SPDYE4: variants seen among roughly 807,000 people sequenced by gnomAD.
SPDYE4 encodes the protein speedy protein E4.
SPDYE4 carries 30 observed loss-of-function variants against 37.5 expected under a neutral mutation model. The observed-to-expected ratio is 0.80, with a 90% CI of 0.60 to 1.09. The LOEUF (loss-of-function observed/expected upper bound fraction) is 1.09. Among genes scored for constraint, SPDYE4 ranks in the 50% least tolerant of loss-of-function variants. The probability of loss-of-function intolerance (pLI) is 0.00; values close to 1 mark genes in which losing one functional copy is unlikely to be tolerated. For synonymous variants in SPDYE4, 131 were observed against 120.3 expected (o/e 1.09, Z -0.58); for missense variants, 300 against 307.9 (o/e 0.97, Z 0.19).
chr17:8,748,797 A>G (rs1164398614), downstream of SPDYE4, among the ~76,000 whole-genome samples: 1 of 152,184 alleles, frequency 6.6e-6, no homozygotes, highest in Admixed American at 6.5e-5. Context: ...TGTATTTTTC[A>G]TGCTTACTGC....
chr17:8,756,426 G>T lies in SPDYE4; in HGVS notation c.351C>A (p.Val117=). 1 of 1,613,984 alleles carries T rather than the reference G, an allele frequency of 6.2e-7. No homozygotes were observed. Among genetic ancestry groups the T allele is most frequent in the Non-Finnish European group, 8.5e-7 (1 of 1,179,894 alleles). The stretch of plus-strand genomic sequence containing the variant: ...TGTCCCAGGCCAGGAATTTTTGAAC[G>T]ACAGGATCCCCTGTGAAAAGAGAGC... ...EAFNRLLGDP[V]VQKFLAWDKD... Residue 117 remains valine (V), a synonymous_variant, in exon 3 of 7, where the codon GTC becomes GTA. Transcript: ENST00000689094.
intron 2 of SPDYE4, 43 bp from the exon 3 acceptor site, chr17:8,756,479 G>T (rs780287798): frequency 1.3e-6 from 2 of 1,587,888 alleles, no homozygotes; most frequent in East Asian, 2.2e-5. Context: ...GTGGAACAGG[G>T]TTGCCGTGGG....
Position 8,751,611 on chromosome 17 carries a change from A to C in SPDYE4, c.*671T>G, listed in dbSNP as rs2086728919. On this transcript the variant is annotated 3_prime_UTR_variant, in exon 7 of 7. Coordinates refer to ENST00000689094, the MANE Select transcript of SPDYE4 (RefSeq NM_001394956.1). ...TAATAATAGATAAAACGATTTAAAGAGAAAACATTTACGATAAAAAGAATC... is the reference window on the plus strand; with the variant it reads ...TAATAATAGATAAAACGATTTAAAGCGAAAACATTTACGATAAAAAGAATC... Among the ~76,000 whole-genome samples, 2 of 152,258 alleles carry C rather than the reference A, an allele frequency of 1.3e-5. No homozygotes were observed. The highest frequency in any genetic ancestry group is 2.9e-5 in the Non-Finnish European group (2 of 68,040).
In SPDYE4 at chr17:8,756,413, G is replaced by T. The variant is rs776313900; in HGVS notation, c.364C>A (p.Leu122Met). ...LLGDPVVQKF[L>M]AWDKDLRVSD... ...ACCCTCAGGTCTTTGTCCCAGGCCA[G>T]GAATTTTTGAACGACAGGATCCCCT... The change falls in exon 3 of 7, where the codon CTG (leucine) becomes ATG (methionine). Residue 122 changes from leucine (L) to methionine (M), a missense_variant. By Grantham distance (15) the Leu-to-Met change is conservative (BLOSUM62 2). Transcript: ENST00000689094. The T allele has an allele frequency of 4.5e-5, 72 of 1,613,974 alleles. No homozygotes were observed. The highest frequency in any genetic ancestry group is 5.8e-5 in the Non-Finnish European group (68 of 1,179,968).
At position 8,758,360 on chromosome 17, in the gene SPDYE4, G is replaced by A. The variant is rs1262106350; in HGVS notation, c.23C>T (p.Pro8Leu). ...CTGGGGGCTCTCCTCCTCAAACGGG[G>A]GGCGCGCTTGACCACTGGCCATAAT... MASGQAR[P>L]PFEEESPQPS... The change falls in exon 1 of 7, where the codon CCC becomes CTC. Residue 8 changes from proline (P) to leucine (L), a missense_variant. Pro to Leu is a moderately conservative substitution (Grantham distance 98). Transcript: ENST00000689094. The A allele has an allele frequency of 9.0e-6, 14 of 1,551,230 alleles. No homozygotes were observed. Among genetic ancestry groups the A allele is most frequent in the Non-Finnish European group, 1.2e-5 (14 of 1,146,824 alleles).
downstream of SPDYE4, among the ~76,000 whole-genome samples, chr17:8,747,710 G>T (rs2086699438): frequency 6.6e-6 from 1 of 152,180 alleles, no homozygotes; most frequent in Non-Finnish European, 1.5e-5. Context: ...GACTTTACAA[G>T]TCTAATTTAC....
At chr17:8,755,194 T>C (rs986351177) in intron 4 of SPDYE4, among the ~76,000 whole-genome samples, 1 of 152,076 alleles carries the variant, frequency 6.6e-6, no homozygotes, top group African/African-American at 2.4e-5. Context: ...GGATGGAAAA[T>C]TGCATTTGGT....
chr17:8,750,440 G>C (rs2086720093), downstream of SPDYE4, among the ~76,000 whole-genome samples: 1 of 152,122 alleles, frequency 6.6e-6, no homozygotes, highest in African/African-American at 2.4e-5. Context: ...GCCAGGGGAG[G>C]TGGCTTACGC....
chr17:8,756,262 T>G (rs559512395), intron 3 of SPDYE4, 116 bp downstream of exon 3: 204 of 940,554 alleles, frequency 2.2e-4, no homozygotes, highest in Non-Finnish European at 3.2e-4. Context: ...GAGTATGGAA[T>G]CAGCAGGTGG....
At chr17:8,755,478 G>A in intron 4 of SPDYE4, 42 bp downstream of exon 4, 8 of 1,595,608 alleles carry the variant, frequency 5.0e-6, no homozygotes, top group Non-Finnish European at 6.9e-6. Flanking sequence ...CACTGTCCCA[G>A]GGTGTTGGAT....
chr17:8,751,442 C>A lies in SPDYE4; in HGVS notation c.*840G>T, dbSNP rs1422966176. On this transcript the variant is annotated 3_prime_UTR_variant, in exon 7 of 7. Coordinates refer to ENST00000689094, the MANE Select transcript of SPDYE4 (RefSeq NM_001394956.1). ...GCATGTTAAAAATCACAACTGAATTCTCACAATTCAGTAACAAACAGTAAA... is the reference window on the plus strand; with the variant it reads ...GCATGTTAAAAATCACAACTGAATTATCACAATTCAGTAACAAACAGTAAA... Among the ~76,000 whole-genome samples, 1 of 152,170 alleles carries A rather than the reference C, an allele frequency of 6.6e-6. No individual in the cohort carries two copies. Among genetic ancestry groups the A allele is most frequent in the Admixed American group, 6.5e-5 (1 of 15,272 alleles).
chr17:8,754,574 G>A (rs1023033093), intron 4 of SPDYE4, among the ~76,000 whole-genome samples: 39 of 151,886 alleles, frequency 2.6e-4, no homozygotes, highest in African/African-American at 8.5e-4. Flanking sequence ...GTCTCTGTCC[G>A]GTAAAGATAA....
At chr17:8,749,971 C>T (rs73973205), downstream of SPDYE4, among the ~76,000 whole-genome samples, 4 of 152,320 alleles carry the variant, frequency 2.6e-5, no homozygotes, top group African/African-American at 9.6e-5. Context: ...AACATCAACA[C>T]TTTGCAACCT....
At chr17:8,753,280 C>CCAACCCCCCCCCCCCCCCCCCCCCCCA in intron 5 of SPDYE4, 41 bp downstream of exon 5, 1 of 1,367,652 alleles carries the variant, frequency 7.3e-7, no homozygotes, top group Non-Finnish European at 9.9e-7. Flanking sequence ...CAGTCCACCC[C>CCAACCCCCCCCCCCCCCCCCCCCCCCA]ATCCCTCCCC....
At position 8,757,314 on chromosome 17, in the gene SPDYE4, C is replaced by T. The variant is rs1235971864; in HGVS notation, c.288G>A (p.Lys96=). ...LCGLKMKLKR[K]RASSVLPEHH... ...GCTCAGGGAGCACGGAGGATGCTCG[C>T]TTTCGCTTCAGCTTCATCTTGAGCC... is the stretch of plus-strand genomic sequence containing the variant. Residue 96 remains lysine, a synonymous_variant, in exon 2 of 7, where the codon AAG becomes AAA. Transcript: ENST00000689094. 6.2e-7 allele frequency: 1 copy of T among 1,604,456 alleles called. No individual in the cohort carries two copies. The highest frequency in any genetic ancestry group is 8.5e-7 in the Non-Finnish European group (1 of 1,175,320).
downstream of SPDYE4, among the ~76,000 whole-genome samples, chr17:8,749,199 C>A (rs764118317): frequency 4.0e-5 from 6 of 150,502 alleles, no homozygotes; most frequent in Admixed American, 1.3e-4. Flanking sequence ...CCCAAGCAAT[C>A]CTCCCACCTC....
Position 8,755,538 on chromosome 17 carries a change from A to G in SPDYE4, c.467T>C (p.Ile156Thr). 2 of 1,611,786 alleles carry G rather than the reference A, an allele frequency of 1.2e-6. No individual in the cohort carries two copies. Among genetic ancestry groups the G allele is most frequent in the Non-Finnish European group, 1.7e-6 (2 of 1,179,512 alleles). The change falls in exon 4 of 7, where the codon ATT (isoleucine) becomes ACT (threonine). Residue 156 changes from isoleucine to threonine, a missense_variant. Physicochemically the swap from Ile to Thr is moderately conservative, Grantham distance 89. Transcript: ENST00000689094. ...TACTCACAGAGCCAGGAAGAAATGA[A>G]TGCGTTGGTATTGCCACGAGAAGAG... ...AGLFSWQYQRIHFFLALYLAS... is the reference protein window; with the variant it reads ...AGLFSWQYQRTHFFLALYLAS...
chr17:8,748,328 A>G (rs115919611), downstream of SPDYE4, among the ~76,000 whole-genome samples: 1,124 of 152,378 alleles, frequency 7.4e-3, 19 homozygotes, highest in African/African-American at 0.026. Flanking sequence ...AGGGAGCAAC[A>G]GGAAGACAGC....
At chr17:8,749,698 C>T (rs143518539), downstream of SPDYE4, among the ~76,000 whole-genome samples, 99 of 152,306 alleles carry the variant, frequency 6.5e-4, no homozygotes, top group East Asian at 6.2e-3. Context: ...TGTGCCTGGC[C>T]ATCCCAAGAA....
Sources: allele counts gnomAD v4.1 joint callset (sites outside exome capture counted in the v4.1 genomes callset), GRCh38; gene constraint gnomAD v4.1.1; transcripts MANE v1.5; gene names NCBI Gene and HGNC (gene_info 2026-07-23, HGNC 2026-07-21).